Variants in IMPG1 observed in about 807,000 individuals in gnomAD.
IMPG1 encodes interphotoreceptor matrix proteoglycan 1, also known as interphotoreceptor matrix proteoglycan of 150 kDa.
A neutral mutation model predicts 92.0 loss-of-function variants in IMPG1; 85 were observed. That is an observed-to-expected ratio of 0.92 (90% confidence interval 0.78 to 1.11). The LOEUF is 1.11. Among genes scored for constraint, IMPG1 ranks in the 50% least tolerant of loss-of-function variants. The pLI, the probability that IMPG1 is intolerant of heterozygous loss-of-function variation, is 0.00. For synonymous variants in IMPG1, 367 were observed against 334.1 expected (o/e 1.10, Z -1.08); for missense variants, 1,022 against 956.0 (o/e 1.07, Z -0.91).
intron 2 of IMPG1, among the ~76,000 whole-genome samples, chr6:76,040,181 A>G (rs1783810542): frequency 6.6e-6 from 1 of 152,222 alleles, no homozygotes; most frequent in Admixed American, 6.5e-5. Flanking sequence ...GGGGAGAAAA[A>G]CAATGGTTTG....
At chr6:75,959,450 T>C (rs1428133003) in intron 12 of IMPG1, among the ~76,000 whole-genome samples, 1 of 152,204 alleles carries the variant, frequency 6.6e-6, no homozygotes, top group African/African-American at 2.4e-5. Flanking sequence ...CGTTTAAGTC[T>C]GCTGAAGCTG....
chr6:75,984,066 A>G (rs1782673575), intron 12 of IMPG1, among the ~76,000 whole-genome samples: 1 of 152,232 alleles, frequency 6.6e-6, no homozygotes, highest in South Asian at 2.1e-4. Flanking sequence ...GACAAAGGGT[A>G]AAAAGTGCTG....
rs1012892881 is a variant in IMPG1 at position 75,958,429 on chromosome 6, C to T, written c.1292-7335G>A. On this transcript the variant is annotated intron_variant, in intron 12 of 16. Coordinates refer to ENST00000369950, the MANE Select transcript of IMPG1 (RefSeq NM_001563.4). ...TATATTTTCTGAATTCAAATGTTGA[C>T]CTGTCTTGCTAGGTTGGTGAAGTTC... Among the ~76,000 whole-genome samples the T allele has an allele frequency of 3.0e-4, 46 of 152,116 alleles. 1 individual carries two copies. The highest frequency in any genetic ancestry group is 1.0e-3 in the African/African-American group (43 of 41,420).
intron 1 of IMPG1, among the ~76,000 whole-genome samples, chr6:76,048,326 C>T (rs1248717912): frequency 6.6e-6 from 1 of 152,196 alleles, no homozygotes; most frequent in Non-Finnish European, 1.5e-5. Context: ...ACACTTTTCT[C>T]AGATTTCTGG....
At chr6:75,991,804 T>C (rs1390470557) in intron 12 of IMPG1, among the ~76,000 whole-genome samples, 1 of 152,146 alleles carries the variant, frequency 6.6e-6, no homozygotes, top group Non-Finnish European at 1.5e-5. Flanking sequence ...ACCAGACAGA[T>C]TGTTGAATTG....
At chr6:75,986,791 C>T (rs1253756986) in intron 12 of IMPG1, among the ~76,000 whole-genome samples, 1 of 151,714 alleles carries the variant, frequency 6.6e-6, no homozygotes, top group Non-Finnish European at 1.5e-5. Flanking sequence ...ATGAGAAATA[C>T]ATTAGTTTGT....
chr6:75,932,753 T>TGTC (rs1781685605), intron 14 of IMPG1, among the ~76,000 whole-genome samples: 1 of 151,870 alleles, frequency 6.6e-6, no homozygotes, highest in South Asian at 2.1e-4. Flanking sequence ...TAGGCTGGAG[T>TGTC]GCAGTGGCGC....
intron 15 of IMPG1, chr6:75,928,631 T>A (rs1308163676): frequency 1.3e-5 from 2 of 152,222 alleles, no homozygotes; most frequent in African/African-American, 4.8e-5. Flanking sequence ...CTAAAAAAAA[T>A]GTACACAAGT....
At chr6:75,999,409 C>T (rs1782949792) in intron 12 of IMPG1, among the ~76,000 whole-genome samples, 1 of 152,098 alleles carries the variant, frequency 6.6e-6, no homozygotes, top group Non-Finnish European at 1.5e-5. Flanking sequence ...GTGACACTAA[C>T]CTTAAAAATT....
intron 1 of IMPG1, among the ~76,000 whole-genome samples, chr6:76,053,339 A>T (rs535621425): frequency 6.6e-6 from 1 of 152,330 alleles, no homozygotes; most frequent in Non-Finnish European, 1.5e-5. Context: ...TATGCCAGAA[A>T]GTGCCAGGTA....
intron 1 of IMPG1, among the ~76,000 whole-genome samples, chr6:76,069,647 C>T (rs1232278256): frequency 1.3e-5 from 2 of 151,950 alleles, no homozygotes; most frequent in South Asian, 4.1e-4. Flanking sequence ...GAAAATAAAT[C>T]ATTCTACCAA....
intron 14 of IMPG1, among the ~76,000 whole-genome samples, chr6:75,934,142 T>G (rs1781703233): frequency 6.6e-6 from 1 of 152,168 alleles, no homozygotes; most frequent in African/African-American, 2.4e-5. Flanking sequence ...CATATCAGAC[T>G]TCCATGAATG....
intron 12 of IMPG1, among the ~76,000 whole-genome samples, chr6:75,953,952 T>C (rs576231943): frequency 3.4e-4 from 52 of 152,360 alleles, no homozygotes; most frequent in African/African-American, 1.2e-3. Flanking sequence ...TCATCCTTTG[T>C]TATGGCTGCA....
At chr6:75,939,635 C>A (rs1340138828) in intron 14 of IMPG1, among the ~76,000 whole-genome samples, 1 of 152,166 alleles carries the variant, frequency 6.6e-6, no homozygotes, top group Admixed American at 6.5e-5. Context: ...TTTCTTACAG[C>A]AGTTAGTTAA....
chr6:75,934,336 T>G (rs550320754), intron 14 of IMPG1, among the ~76,000 whole-genome samples: 2 of 152,362 alleles, frequency 1.3e-5, no homozygotes, highest in Admixed American at 1.3e-4. Flanking sequence ...TGAGCTGCCA[T>G]GTAGGGCTTG....
At chr6:76,069,941 G>T (rs1335335695) in intron 1 of IMPG1, among the ~76,000 whole-genome samples, 2 of 152,102 alleles carry the variant, frequency 1.3e-5, no homozygotes, top group Non-Finnish European at 2.9e-5. Context: ...GGGTCCCCAT[G>T]GACATAAAGA....
intron 6 of IMPG1, 65 bp downstream of exon 6, chr6:76,022,051 T>C (rs918342137): frequency 2.7e-5 from 23 of 848,204 alleles, no homozygotes; most frequent in African/African-American, 5.1e-5. Flanking sequence ...CATTCTCTTT[T>C]CCTGTTTTGC....
At chr6:75,976,745 A>C (rs983228133) in intron 12 of IMPG1, among the ~76,000 whole-genome samples, 1 of 151,894 alleles carries the variant, frequency 6.6e-6, no homozygotes, top group Non-Finnish European at 1.5e-5. Context: ...CCTCGTCTCT[A>C]CTAAAAAATA....
chr6:75,921,897 C>T lies in IMPG1; in HGVS notation c.*192G>A, dbSNP rs1427349306. Reference sequence around the variant, plus strand: ...TGGGGTTTTAATAATAAGTAAGTGTCTTTTTCTTCAGAATTTACTGGTTGC... The same window carrying T: ...TGGGGTTTTAATAATAAGTAAGTGTTTTTTTCTTCAGAATTTACTGGTTGC... On this transcript the variant is annotated 3_prime_UTR_variant, in exon 17 of 17. Transcript: ENST00000369950. 2 of 423,916 alleles carry T rather than the reference C, an allele frequency of 4.7e-6. No individual in the cohort carries two copies. The highest frequency in any genetic ancestry group is 8.4e-6 in the Non-Finnish European group (2 of 237,290). The allele number at this position is 423,916 out of a possible 1,614,324, so 26.3% of individuals were successfully genotyped here.
Sources: gnomAD v4.1 joint callset for allele counts (sites outside exome capture counted in the v4.1 genomes callset) on GRCh38, gnomAD v4.1.1 for gene constraint, MANE v1.5 for transcripts, NCBI Gene and HGNC (gene_info 2026-07-23, HGNC 2026-07-21) for gene names.